Variants in TRPC6 observed in about 807,000 individuals in gnomAD.
TRPC6 encodes the protein short transient receptor potential channel 6.
TRPC6 carries 55 observed loss-of-function variants against 90.7 expected under a neutral mutation model. The observed-to-expected ratio is 0.61, with a 90% CI of 0.49 to 0.76. The LOEUF (loss-of-function observed/expected upper bound fraction) is 0.76. Among genes scored for constraint, TRPC6 ranks in the 30% least tolerant of loss-of-function variants. TRPC6 has a pLI of 0.00. For missense variants in TRPC6, 989 were observed against 1,122.7 expected (o/e 0.88, Z 1.70); for synonymous variants, 393 against 393.0 (o/e 1.00, Z 0.00).
At chr11:101,540,641 T>A (rs1253884554) in intron 1 of TRPC6, among the ~76,000 whole-genome samples, 3 of 152,228 alleles carry the variant, frequency 2.0e-5, no homozygotes, top group African/African-American at 7.2e-5. Flanking sequence ...AAAAAACATG[T>A]ACACATAACT....
chr11:101,577,184 G>A (rs1483185354), intron 1 of TRPC6, among the ~76,000 whole-genome samples: 3 of 151,992 alleles, frequency 2.0e-5, no homozygotes, highest in Non-Finnish European at 2.9e-5. Flanking sequence ...TTGGCTTTAT[G>A]GTTATAGATG....
Position 101,488,981 on chromosome 11 carries a change from G to A in TRPC6, c.1249C>T (p.Leu417=). The change falls in exon 4 of 13, where the codon CTG becomes TTG. Residue 417 remains leucine (L), a synonymous_variant. Coordinates refer to ENST00000344327, the MANE Select transcript of TRPC6 (RefSeq NM_004621.6). ...CAGTAAATGAGAGCCAGGAAGGGCA[G>A]TCCAATGGCAACAGCAAGGACCACA... The part of the protein sequence containing the change: ...FLVVLAVAIG[L]PFLALIYWFA... 6.2e-7 allele frequency: 1 copy of A among 1,614,186 alleles called. No homozygotes were observed.
intron 1 of TRPC6, among the ~76,000 whole-genome samples, chr11:101,508,040 CTAT>C (rs1860313994): frequency 6.6e-6 from 1 of 151,712 alleles, no homozygotes; most frequent in Non-Finnish European, 1.5e-5. Flanking sequence ...ATGAAAATTG[CTAT>C]TATATTTTTA....
chr11:101,530,639 ACCCTTGTACCAGTACCAG>A (rs539344638), intron 1 of TRPC6, among the ~76,000 whole-genome samples: 329 of 152,124 alleles, frequency 2.2e-3, no homozygotes, highest in African/African-American at 7.5e-3. Flanking sequence ...CTTGAAGTGG[ACCCTTGTACCAGTACCAG>A]CCCTACTGAC....
chr11:101,555,938 C>T (rs1417549537), intron 1 of TRPC6, among the ~76,000 whole-genome samples: 1 of 152,062 alleles, frequency 6.6e-6, no homozygotes, highest in Non-Finnish European at 1.5e-5. Flanking sequence ...TTTGCCAATA[C>T]ACGGATATTG....
chr11:101,473,816 G>A (rs766219768), intron 6 of TRPC6, 43 bp from the exon 7 acceptor site: 4 of 1,611,718 alleles, frequency 2.5e-6, no homozygotes, highest in South Asian at 2.2e-5. Flanking sequence ...GTTTCTTCAA[G>A]TTTTTTATTT....
chr11:101,496,919 T>C (rs1173188949), intron 2 of TRPC6, among the ~76,000 whole-genome samples: 3 of 152,180 alleles, frequency 2.0e-5, no homozygotes, highest in Non-Finnish European at 2.9e-5. Context: ...TTACTGCATT[T>C]ATTTGTTTAT....
At chr11:101,491,005 T>TTA (rs762667198) in intron 3 of TRPC6, among the ~76,000 whole-genome samples, 24 of 152,238 alleles carry the variant, frequency 1.6e-4, no homozygotes, top group Non-Finnish European at 3.1e-4. Context: ...TGTTATATCA[T>TTA]TAGCACAGTA....
Position 101,472,167 on chromosome 11 carries a change from G to A in TRPC6, c.2175C>T (p.Ala725=), listed in dbSNP as rs1859307302. 2 of 1,611,542 alleles carry A rather than the reference G, an allele frequency of 1.2e-6. No homozygotes were observed. The highest frequency in any genetic ancestry group is 3.3e-5 in the Admixed American group (2 of 59,978). ...TTTCCTGGAATGAACTGTTGATCAT[G>A]GCAATTAACATATTTAGCAAAACAA... ...MVIVLLNMLI[A]MINSSFQEIE... Residue 725 remains alanine (A), a synonymous_variant, in exon 8 of 13, where the codon GCC becomes GCT. Transcript: ENST00000344327.
At chr11:101,512,210 A>G (rs577832740) in intron 1 of TRPC6, among the ~76,000 whole-genome samples, 2 of 152,246 alleles carry the variant, frequency 1.3e-5, no homozygotes, top group South Asian at 2.1e-4. Flanking sequence ...TTCTTCAAAT[A>G]CTAACTTTCT....
At chr11:101,488,880 TC>T in intron 4 of TRPC6, 56 bp downstream of exon 4, 1 of 1,599,490 alleles carries the variant, frequency 6.3e-7, no homozygotes, top group Non-Finnish European at 8.5e-7. Flanking sequence ...ATAAGATTTT[TC>T]CCCACTTAAA....
At chr11:101,494,234 T>C in intron 2 of TRPC6, among the ~76,000 whole-genome samples, 1 of 152,186 alleles carries the variant, frequency 6.6e-6, no homozygotes, top group East Asian at 1.9e-4. Context: ...TGGATATACC[T>C]GTAATCAATC....
At chr11:101,501,073 G>T (rs1350931513) in intron 2 of TRPC6, among the ~76,000 whole-genome samples, 1 of 148,450 alleles carries the variant, frequency 6.7e-6, no homozygotes, top group Admixed American at 6.8e-5. Context: ...AGATGGAAAG[G>T]GAGCAAAATA....
chr11:101,565,048 C>A (rs1414650475), intron 1 of TRPC6, among the ~76,000 whole-genome samples: 1 of 152,006 alleles, frequency 6.6e-6, no homozygotes, highest in Non-Finnish European at 1.5e-5. Context: ...CCTTCTTACA[C>A]CATACACAAA....
At chr11:101,519,135 A>G (rs1240487914) in intron 1 of TRPC6, among the ~76,000 whole-genome samples, 1 of 152,202 alleles carries the variant, frequency 6.6e-6, no homozygotes, top group Non-Finnish European at 1.5e-5. Context: ...ATAGCACAAT[A>G]GGTTAACCAT....
chr11:101,552,337 G>GA (rs1437383420), intron 1 of TRPC6, among the ~76,000 whole-genome samples: 1 of 152,026 alleles, frequency 6.6e-6, no homozygotes, highest in Non-Finnish European at 1.5e-5. Flanking sequence ...GCCTATATTT[G>GA]AAAACATAAT....
intron 1 of TRPC6, among the ~76,000 whole-genome samples, chr11:101,544,737 C>T (rs912120201): frequency 6.1e-5 from 9 of 148,234 alleles, no homozygotes; most frequent in African/African-American, 1.5e-4. Context: ...TTGGGGGTGG[C>T]GGGCTAGGGG....
chr11:101,562,642 G>A (rs1861740742), intron 1 of TRPC6, among the ~76,000 whole-genome samples: 1 of 152,168 alleles, frequency 6.6e-6, no homozygotes, highest in African/African-American at 2.4e-5. Flanking sequence ...ACCTACTGTT[G>A]TGAGCTGAAG....
At chr11:101,472,460 T>A in intron 7 of TRPC6, 128 bp from the exon 8 acceptor site, 1 of 833,146 alleles carries the variant, frequency 1.2e-6, no homozygotes, top group East Asian at 2.7e-5. Flanking sequence ...TTCACTTCTC[T>A]GAAGCTCACT....
Sources: allele counts gnomAD v4.1 joint callset (sites outside exome capture counted in the v4.1 genomes callset), GRCh38; gene constraint gnomAD v4.1.1; transcripts MANE v1.5; gene names NCBI Gene and HGNC (gene_info 2026-07-23, HGNC 2026-07-21).